NFAT5: variants seen among roughly 807,000 people sequenced by gnomAD.
NFAT5 encodes the protein nuclear factor of activated T cells 5, also known as nuclear factor of activated T-cells 5.
Under a neutral mutation model 166.5 loss-of-function variants are expected in NFAT5, and 31 were observed. That is an observed-to-expected ratio of 0.19 (90% CI 0.14 to 0.25). NFAT5 has a LOEUF of 0.25. NFAT5 is among the 10% of genes least tolerant of loss of function. NFAT5 has a pLI of 1.00. For synonymous variants in NFAT5, 612 were observed against 639.7 expected, an observed-to-expected ratio of 0.96 and a Z score of 0.65; for missense variants, 1,449 against 1,821.8, an observed-to-expected ratio of 0.80 and a Z score of 3.72.
At chr16:69,615,129 C>T (rs1282192618) in intron 2 of NFAT5, among the ~76,000 whole-genome samples, 1 of 151,718 alleles carries the variant, frequency 6.6e-6, no homozygotes, top group Admixed American at 6.6e-5. Flanking sequence ...GCAACCTCCT[C>T]CTCCTGGGTT....
intron 2 of NFAT5, among the ~76,000 whole-genome samples, chr16:69,571,129 TAAAAAAA>T (rs56221116): frequency 1.3e-4 from 4 of 31,380 alleles, no homozygotes; most frequent in Non-Finnish European, 2.2e-4. Flanking sequence ...CCATCTCTAC[TAAAAAAA>T]AAAAAAAAAA....
intron 4 of NFAT5, among the ~76,000 whole-genome samples, chr16:69,652,999 T>A (rs1237297412): frequency 6.6e-6 from 1 of 152,168 alleles, no homozygotes; most frequent in African/African-American, 2.4e-5. Context: ...CATTTTCTTT[T>A]CTGTCAAACA....
chr16:69,664,967 C>T (rs1320883367), intron 7 of NFAT5, among the ~76,000 whole-genome samples: 3 of 152,076 alleles, frequency 2.0e-5, no homozygotes, highest in Non-Finnish European at 2.9e-5. Context: ...GTGGAGGTTG[C>T]GGTTAGCCAA....
intron 2 of NFAT5, among the ~76,000 whole-genome samples, chr16:69,599,188 GTAATGACTACA>G (rs2032986201): frequency 6.7e-6 from 1 of 149,098 alleles, no homozygotes; most frequent in Non-Finnish European, 1.5e-5. Context: ...TTAGGTAGTA[GTAATGACTACA>G]TAACTTTGGG....
intron 4 of NFAT5, 63 bp from the exon 5 acceptor site, chr16:69,653,173 C>A: frequency 1.1e-6 from 1 of 944,990 alleles, no homozygotes; most frequent in Non-Finnish European, 1.5e-6. Context: ...GTCTTAATGG[C>A]TTTTTTTTTT....
At chr16:69,625,712 G>A (rs2034424382) in intron 2 of NFAT5, among the ~76,000 whole-genome samples, 1 of 152,002 alleles carries the variant, frequency 6.6e-6, no homozygotes, top group Admixed American at 6.6e-5. Context: ...ATCCACAGTA[G>A]TATATGCCAT....
intron 3 of NFAT5, among the ~76,000 whole-genome samples, chr16:69,637,391 C>T (rs2035013013): frequency 2.0e-5 from 3 of 152,196 alleles, no homozygotes. Context: ...TTTTCAGCAA[C>T]ACCCCACTCC....
chr16:69,641,111 C>G (rs377120140), intron 3 of NFAT5, among the ~76,000 whole-genome samples: 1 of 151,266 alleles, frequency 6.6e-6, no homozygotes, highest in Non-Finnish European at 1.5e-5. Context: ...AACCCCGTCT[C>G]TACTAAAAAT....
chr16:69,577,855 A>C (rs1451562704), intron 2 of NFAT5, among the ~76,000 whole-genome samples: 5 of 152,134 alleles, frequency 3.3e-5, no homozygotes, highest in Admixed American at 2.0e-4. Flanking sequence ...TATTAATGTA[A>C]GCTATATGAA....
rs190017286 is a variant in NFAT5 at position 69,574,635 on chromosome 16, C to T, written c.127+6087C>T. 2.0e-5 allele frequency among the ~76,000 whole-genome samples: 3 copies of T among 150,744 alleles called. No homozygotes were observed. In the East Asian group the frequency reaches 5.8e-4, roughly 29 times the overall value. ...GAGAGTTCAGTTACTTTTATTTGTT[C>T]TTAATAGCTTTTGAAAAATATATAC... is the stretch of plus-strand genomic sequence containing the variant. On this transcript the variant is annotated intron_variant, in intron 2 of 14. Coordinates refer to ENST00000349945, the MANE Select transcript of NFAT5 (RefSeq NM_138713.4).
At chr16:69,602,240 A>G (rs1198562066) in intron 2 of NFAT5, among the ~76,000 whole-genome samples, 1 of 151,976 alleles carries the variant, frequency 6.6e-6, no homozygotes. Context: ...TTTCTAGATT[A>G]AGGGAAAGTA....
intron 2 of NFAT5, among the ~76,000 whole-genome samples, chr16:69,581,197 C>T (rs769862427): frequency 2.4e-4 from 37 of 152,098 alleles, no homozygotes; most frequent in Non-Finnish European, 4.9e-4. Context: ...TGTGCCACCA[C>T]GCCAGGCTAA....
chr16:69,597,829 G>C (rs554634428), intron 2 of NFAT5, among the ~76,000 whole-genome samples: 1 of 151,936 alleles, frequency 6.6e-6, no homozygotes, highest in Non-Finnish European at 1.5e-5. Flanking sequence ...TCCTGACCTC[G>C]TGATCCACCT....
At chr16:69,583,263 G>T (rs1243183533) in intron 2 of NFAT5, among the ~76,000 whole-genome samples, 1 of 151,914 alleles carries the variant, frequency 6.6e-6, no homozygotes, top group East Asian at 1.9e-4. Flanking sequence ...GCAGTGGCAT[G>T]AGCATGAATC....
intron 2 of NFAT5, among the ~76,000 whole-genome samples, chr16:69,576,114 A>G (rs995927110): frequency 6.6e-6 from 1 of 151,776 alleles, no homozygotes; most frequent in Non-Finnish European, 1.5e-5. Context: ...CATCCTGGCC[A>G]ACATGGTGAA....
intron 2 of NFAT5, among the ~76,000 whole-genome samples, chr16:69,572,639 TAGAG>T (rs1188372009): frequency 6.6e-6 from 1 of 150,952 alleles, no homozygotes; most frequent in African/African-American, 2.4e-5. Flanking sequence ...ATTCTAGAAA[TAGAG>T]AAATATAAGA....
rs2036506774 is a variant in NFAT5, at chr16:69,668,804, A to G, written c.1370-1173A>G. ...AGAGATTCTCCTGCCTCAGCCTCCC[A>G]AGTAGCTGGGATTACAAGCACCCAC... On this transcript the variant is annotated intron_variant, in intron 7 of 14. Coordinates refer to ENST00000349945, the MANE Select transcript of NFAT5 (RefSeq NM_138713.4). Among the ~76,000 whole-genome samples the G allele has an allele frequency of 2.0e-5, 3 of 152,014 alleles. 1 individual carries two copies. The highest frequency in any genetic ancestry group is 2.0e-4 in the Admixed American group (3 of 15,256).
intron 7 of NFAT5, among the ~76,000 whole-genome samples, chr16:69,664,394 C>T (rs1236065190): frequency 6.6e-6 from 1 of 152,156 alleles, no homozygotes; most frequent in Non-Finnish European, 1.5e-5. Context: ...ACACCATTCT[C>T]CTGCCTCAGC....
intron 4 of NFAT5, among the ~76,000 whole-genome samples, chr16:69,652,983 T>A (rs1425795652): frequency 1.3e-5 from 2 of 152,324 alleles, no homozygotes; most frequent in South Asian, 2.1e-4. Context: ...ACCACTCACA[T>A]ACGTTCATTT....
Sources: allele counts gnomAD v4.1 joint callset (sites outside exome capture counted in the v4.1 genomes callset), GRCh38; gene constraint gnomAD v4.1.1; transcripts MANE v1.5; gene names NCBI Gene and HGNC (gene_info 2026-07-23, HGNC 2026-07-21).